RPS6KA5: variants seen among roughly 807,000 people sequenced by gnomAD.
RPS6KA5 encodes the protein ribosomal protein S6 kinase A5, also known as ribosomal protein S6 kinase alpha-5.
A neutral mutation model predicts 85.5 loss-of-function variants in RPS6KA5; 27 were observed. That is an observed-to-expected ratio of 0.32 (90% confidence interval 0.23 to 0.44). The LOEUF (loss-of-function observed/expected upper bound fraction) is 0.44. Among genes scored for constraint, RPS6KA5 ranks in the 20% least tolerant of loss-of-function variants. The probability of loss-of-function intolerance (pLI) is 1.00; values close to 1 mark genes in which losing one functional copy is unlikely to be tolerated. For missense variants in RPS6KA5, 811 were observed against 980.9 expected (o/e 0.83, Z 2.31); for synonymous variants, 334 against 348.2 (o/e 0.96, Z 0.46).
intron 4 of RPS6KA5, 83 bp from the exon 5 acceptor site, chr14:90,943,268 T>C (rs2037682825): frequency 1.4e-6 from 1 of 707,488 alleles, no homozygotes; most frequent in Non-Finnish European, 2.2e-6. Flanking sequence ...CCTTTATTTA[T>C]TTATTTTTTT....
intron 1 of RPS6KA5, among the ~76,000 whole-genome samples, chr14:91,031,301 A>T (rs1210396523): frequency 6.6e-6 from 1 of 152,196 alleles, no homozygotes; most frequent in African/African-American, 2.4e-5. Context: ...TAATGAAGAC[A>T]TTTTAATATC....
At position 91,034,101 on chromosome 14, in the gene RPS6KA5, A is replaced by G. The variant is rs549310387; in HGVS notation, c.103+26231T>C. 2.0e-5 allele frequency among the ~76,000 whole-genome samples: 3 copies of G among 152,210 alleles called. No homozygotes were observed. The South Asian group carries it at 6.2e-4, about 32-fold the overall frequency. On this transcript the variant is annotated intron_variant, in intron 1 of 16. Coordinates refer to ENST00000614987, the MANE Select transcript of RPS6KA5 (RefSeq NM_004755.4). ...GCAGGCAAATCACCTGAGCCACAGC[A>G]TTAGAGACCAGCCTGGGCAACACAG...
chr14:90,899,487 C>A, intron 11 of RPS6KA5, 65 bp from the exon 12 acceptor site: 1 of 1,051,192 alleles, frequency 9.5e-7, no homozygotes, highest in Non-Finnish European at 1.5e-6. Context: ...AGTACTGCCC[C>A]AAGACTAATT....
intron 2 of RPS6KA5, among the ~76,000 whole-genome samples, chr14:90,983,791 C>CTG (rs1566825780): frequency 4.1e-5 from 4 of 97,260 alleles, no homozygotes; most frequent in African/African-American, 1.7e-4. Context: ...CTTTCTTTCT[C>CTG]TCTCTCTCTC....
chr14:91,051,407 T>C (rs2043073986), intron 1 of RPS6KA5, among the ~76,000 whole-genome samples: 1 of 152,178 alleles, frequency 6.6e-6, no homozygotes, highest in South Asian at 2.1e-4. Flanking sequence ...AGTGAGATTC[T>C]GTCTCAATAA....
chr14:90,918,490 T>C (rs2036237424), intron 7 of RPS6KA5, among the ~76,000 whole-genome samples: 1 of 152,210 alleles, frequency 6.6e-6, no homozygotes, highest in African/African-American at 2.4e-5. Flanking sequence ...TTCATTCTCT[T>C]AACAGTTTTG....
At chr14:91,031,292 A>C (rs2139839578) in intron 1 of RPS6KA5, among the ~76,000 whole-genome samples, 1 of 152,218 alleles carries the variant, frequency 6.6e-6, no homozygotes, top group East Asian at 1.9e-4. Context: ...ATGAGAACAT[A>C]ATGAAGACAT....
chr14:91,050,156 T>C lies in RPS6KA5; in HGVS notation c.103+10176A>G, dbSNP rs367709844. ...ACTTTGGGAGGCTGAGGCAGGAGGA[T>C]TGCTTGAGGCCAGAAGTTCAAGGCC... is the stretch of plus-strand genomic sequence containing the variant. On this transcript the variant is annotated intron_variant, in intron 1 of 16. Coordinates refer to ENST00000614987, the MANE Select transcript of RPS6KA5 (RefSeq NM_004755.4). Among the ~76,000 whole-genome samples, 17 of 152,188 alleles carry C rather than the reference T, an allele frequency of 1.1e-4. No individual in the cohort carries two copies. In the East Asian group the frequency reaches 1.7e-3, roughly 16 times the overall value.
At chr14:90,879,201 T>C (rs1161302855) in intron 14 of RPS6KA5, among the ~76,000 whole-genome samples, 1 of 152,190 alleles carries the variant, frequency 6.6e-6, no homozygotes, top group Admixed American at 6.5e-5. Flanking sequence ...AACAAACCAA[T>C]GCACTATGGA....
rs2032606066 is a variant in RPS6KA5, at chr14:90,862,448, T to TC, written c.*9625dup. Reference sequence around the variant, plus strand: ...TCCTTCTTCTTCCTCCTCCTCCTCCTCCTCCTCCTTCTTCTTCTTCTTCTT... The same window carrying TC: ...TCCTTCTTCTTCCTCCTCCTCCTCCTCCCTCCTCCTTCTTCTTCTTCTTCTT... On this transcript the variant is annotated 3_prime_UTR_variant, in exon 17 of 17. Coordinates refer to ENST00000614987, the MANE Select transcript of RPS6KA5 (RefSeq NM_004755.4). 7.0e-6 allele frequency: 1 copy of TC among 143,352 alleles called. No homozygotes were observed. Among genetic ancestry groups the TC allele is most frequent in the African/African-American group, 2.5e-5 (1 of 39,792 alleles). The allele number at this position is 143,352 out of a possible 1,614,324, so 8.9% of individuals were successfully genotyped here.
At chr14:91,039,792 G>GC (rs2042534613) in intron 1 of RPS6KA5, among the ~76,000 whole-genome samples, 1 of 152,212 alleles carries the variant, frequency 6.6e-6, no homozygotes, top group African/African-American at 2.4e-5. Flanking sequence ...GAAGGATGAG[G>GC]TTGCGCACCA....
intron 3 of RPS6KA5, among the ~76,000 whole-genome samples, chr14:90,972,108 T>C (rs928039302): frequency 2.6e-5 from 4 of 152,186 alleles, no homozygotes; most frequent in Admixed American, 6.5e-5. Flanking sequence ...CTTAGAAGGA[T>C]TTCAACATCA....
intron 1 of RPS6KA5, among the ~76,000 whole-genome samples, chr14:91,059,452 A>G (rs1433913812): frequency 6.6e-6 from 1 of 152,218 alleles, no homozygotes; most frequent in East Asian, 1.9e-4. Context: ...CTATCTGTTC[A>G]GAGAAAAAAG....
At chr14:91,024,228 T>C (rs913668522) in intron 1 of RPS6KA5, among the ~76,000 whole-genome samples, 6 of 152,154 alleles carry the variant, frequency 3.9e-5, no homozygotes, top group Admixed American at 6.5e-5. Context: ...CCAGAATCAA[T>C]TGTCATTGTC....
chr14:91,024,559 TAGAGAA>T (rs1279666959), intron 1 of RPS6KA5, among the ~76,000 whole-genome samples: 1 of 152,214 alleles, frequency 6.6e-6, no homozygotes, highest in African/African-American at 2.4e-5. Flanking sequence ...TAATGAATGA[TAGAGAA>T]AAACTAGTAA....
chr14:90,908,654 G>C (rs2035641301), intron 7 of RPS6KA5, among the ~76,000 whole-genome samples: 1 of 152,184 alleles, frequency 6.6e-6, no homozygotes, highest in South Asian at 2.1e-4. Flanking sequence ...AGGGCCTATA[G>C]CAGGTTACAT....
chr14:90,941,721 G>A (rs1394872178), intron 5 of RPS6KA5, among the ~76,000 whole-genome samples: 1 of 152,132 alleles, frequency 6.6e-6, no homozygotes, highest in African/African-American at 2.4e-5. Context: ...CCTTTTTAGG[G>A]GGTCAGAAGT....
intron 3 of RPS6KA5, among the ~76,000 whole-genome samples, chr14:90,957,934 G>A (rs1160195025): frequency 6.6e-6 from 1 of 151,628 alleles, no homozygotes. Context: ...TTGAGGCCAG[G>A]AGTTTGAGAC....
Position 90,862,533 on chromosome 14 carries a change from T to G in RPS6KA5, c.*9541A>C, listed in dbSNP as rs1019553151. The G allele has an allele frequency of 1.3e-5, 2 of 152,132 alleles. 1 individual carries two copies. Among genetic ancestry groups the G allele is most frequent in the South Asian group, 4.2e-4 (2 of 4,810 alleles). The allele number at this position is 152,132 out of a possible 1,614,324, so 9.4% of individuals were successfully genotyped here. A position where few individuals can be genotyped will look rare whatever the true frequency, so the allele number is the denominator to read the frequency against. On this transcript the variant is annotated 3_prime_UTR_variant, in exon 17 of 17. Coordinates refer to ENST00000614987, the MANE Select transcript of RPS6KA5 (RefSeq NM_004755.4). The stretch of plus-strand genomic sequence containing the variant: ...CCCAGGTGGGAGTACAGTGGTACAA[T>G]CTTGGTTCACTGCAACTTCTGCTTC...
Sources: allele counts gnomAD v4.1 joint callset (sites outside exome capture counted in the v4.1 genomes callset), GRCh38; gene constraint gnomAD v4.1.1; transcripts MANE v1.5; gene names NCBI Gene and HGNC (gene_info 2026-07-23, HGNC 2026-07-21).